Variants in CDH12 observed in about 807,000 individuals in gnomAD.
The protein encoded by CDH12 is cadherin-12.
CDH12 carries 41 observed loss-of-function variants against 74.1 expected under a neutral mutation model. That is an observed-to-expected ratio of 0.55 (90% confidence interval 0.43 to 0.72). The LOEUF is 0.72. Among genes scored for constraint, CDH12 ranks in the 30% least tolerant of loss-of-function variants. CDH12 has a pLI of 0.00. For missense variants in CDH12, 945 were observed against 977.2 expected (o/e 0.97, Z 0.44); for synonymous variants, 399 against 355.0 (o/e 1.12, Z -1.39).
intron 1 of CDH12, among the ~76,000 whole-genome samples, chr5:22,670,927 T>C (rs1726384825): frequency 6.6e-6 from 1 of 151,936 alleles, no homozygotes; most frequent in South Asian, 2.1e-4. Flanking sequence ...CACCTTCCAC[T>C]ACAGGAATTA....
intron 3 of CDH12, among the ~76,000 whole-genome samples, chr5:22,259,413 T>C (rs1403219542): frequency 2.0e-5 from 3 of 152,138 alleles, no homozygotes; most frequent in Non-Finnish European, 1.5e-5. Flanking sequence ...TATATTACTC[T>C]TGTTTGAATA....
intron 3 of CDH12, among the ~76,000 whole-genome samples, chr5:22,311,146 C>T (rs1738371847): frequency 1.3e-5 from 2 of 152,080 alleles, no homozygotes; most frequent in Non-Finnish European, 2.9e-5. Context: ...AGGTAACTTT[C>T]ACGCAAGTAG....
intron 8 of CDH12, among the ~76,000 whole-genome samples, chr5:21,824,793 T>C (rs1021435239): frequency 2.6e-5 from 4 of 152,148 alleles, no homozygotes; most frequent in Non-Finnish European, 4.4e-5. Flanking sequence ...CATGGCTTTC[T>C]CCAAAGAAAT....
chr5:22,704,555 A>G (rs1742884751), intron 1 of CDH12, among the ~76,000 whole-genome samples: 1 of 152,160 alleles, frequency 6.6e-6, no homozygotes, highest in South Asian at 2.1e-4. Flanking sequence ...ATTTTATACA[A>G]CAAAGTATTA....
chr5:22,291,442 T>C (rs1019141672), intron 3 of CDH12, among the ~76,000 whole-genome samples: 3 of 152,182 alleles, frequency 2.0e-5, no homozygotes, highest in Non-Finnish European at 1.5e-5. Flanking sequence ...GTTGATGACA[T>C]AATTTTATAT....
At chr5:21,752,412 TTAAC>T (rs1463646016) in intron 14 of CDH12, among the ~76,000 whole-genome samples, 176 bp from the exon 15 acceptor site, 1 of 152,160 alleles carries the variant, frequency 6.6e-6, no homozygotes, top group Non-Finnish European at 1.5e-5. Context: ...TTTGAAATTG[TTAAC>T]TAACAAGAAA....
At chr5:22,819,947 G>A (rs1581032422) in intron 1 of CDH12, among the ~76,000 whole-genome samples, 1 of 143,672 alleles carries the variant, frequency 7.0e-6, no homozygotes, top group African/African-American at 2.6e-5. Flanking sequence ...GTATGTATGT[G>A]TGTATATATA....
intron 1 of CDH12, among the ~76,000 whole-genome samples, chr5:22,728,037 A>G (rs1744249565): frequency 6.6e-6 from 1 of 151,772 alleles, no homozygotes; most frequent in South Asian, 2.1e-4. Context: ...ACCATTTGTT[A>G]TCTTATTATA....
intron 3 of CDH12, among the ~76,000 whole-genome samples, chr5:22,266,216 C>A (rs1030936717): frequency 6.6e-6 from 1 of 152,040 alleles, no homozygotes; most frequent in Non-Finnish European, 1.5e-5. Context: ...GCTGGGACAA[C>A]AGGCACTCAC....
At chr5:21,803,623 G>A (rs1238775182) in intron 9 of CDH12, among the ~76,000 whole-genome samples, 1 of 152,104 alleles carries the variant, frequency 6.6e-6, no homozygotes, top group Non-Finnish European at 1.5e-5. Context: ...TTGTTTAAGT[G>A]ATAATTTTAA....
chr5:22,799,210 T>G (rs1748382141), intron 1 of CDH12, among the ~76,000 whole-genome samples: 1 of 152,168 alleles, frequency 6.6e-6, no homozygotes, highest in Non-Finnish European at 1.5e-5. Flanking sequence ...TATTTTTTCC[T>G]CTCTGTGTAG....
At chr5:22,571,835 C>T (rs1181432342) in intron 1 of CDH12, among the ~76,000 whole-genome samples, 3 of 152,024 alleles carry the variant, frequency 2.0e-5, no homozygotes, top group African/African-American at 7.3e-5. Context: ...ATTAAGTTTG[C>T]CATACCGTGG....
intron 6 of CDH12, among the ~76,000 whole-genome samples, chr5:21,953,370 T>C (rs1207901267): frequency 6.6e-6 from 1 of 152,204 alleles, no homozygotes; most frequent in Non-Finnish European, 1.5e-5. Context: ...AAAAACAAAC[T>C]GTAACCCGGT....
chr5:21,927,931 G>A (rs1754660989), intron 6 of CDH12, among the ~76,000 whole-genome samples: 1 of 151,582 alleles, frequency 6.6e-6, no homozygotes, highest in South Asian at 2.1e-4. Flanking sequence ...AATTAGCTGG[G>A]CTTGGTAGCT....
intron 5 of CDH12, among the ~76,000 whole-genome samples, chr5:22,037,067 A>T (rs987875187): frequency 6.6e-6 from 1 of 152,208 alleles, no homozygotes; most frequent in Non-Finnish European, 1.5e-5. Flanking sequence ...AATTAGAAAA[A>T]CATGAATAAA....
At chr5:22,307,961 G>A (rs537639136) in intron 3 of CDH12, among the ~76,000 whole-genome samples, 163 of 128,506 alleles carry the variant, frequency 1.3e-3, no homozygotes, top group Non-Finnish European at 1.9e-3. Flanking sequence ...GCTCACTGCA[G>A]GCTCTGCCTC....
intron 2 of CDH12, among the ~76,000 whole-genome samples, chr5:22,439,212 A>G (rs1043363801): frequency 6.6e-6 from 1 of 151,980 alleles, no homozygotes; most frequent in African/African-American, 2.4e-5. Flanking sequence ...TAGTAGAGTT[A>G]AAGGCAAGGA....
intron 5 of CDH12, among the ~76,000 whole-genome samples, chr5:22,071,717 T>G (rs955820194): frequency 1.3e-5 from 2 of 152,122 alleles, no homozygotes; most frequent in Admixed American, 1.3e-4. Flanking sequence ...ACTAGATTAA[T>G]GTATGTAAAT....
chr5:22,787,274 T>C (rs1747686011), intron 1 of CDH12, among the ~76,000 whole-genome samples: 1 of 152,178 alleles, frequency 6.6e-6, no homozygotes, highest in Admixed American at 6.5e-5. Flanking sequence ...CATTCTGTCC[T>C]AATTAATTCC....
Sources: gnomAD v4.1 joint callset for allele counts (sites outside exome capture counted in the v4.1 genomes callset) on GRCh38, gnomAD v4.1.1 for gene constraint, MANE v1.5 for transcripts, NCBI Gene and HGNC (gene_info 2026-07-23, HGNC 2026-07-21) for gene names.